The following B3GALT1 variants were observed in gnomAD, a reference collection of about 807,000 sequenced individuals.
The protein encoded by B3GALT1 is UDP-Gal:betaGlcNAc beta 1,3-galactosyltransferase, polypeptide 1.
In B3GALT1, 10 loss-of-function variants were observed where a neutral mutation model predicts 23.2. The ratio of observed to expected loss-of-function variants is 0.43; its 90% CI spans 0.27 to 0.73. The LOEUF (loss-of-function observed/expected upper bound fraction) is 0.73. Ranked by LOEUF, B3GALT1 falls within the 30% of genes least tolerant of loss-of-function variation. B3GALT1 has a pLI of 0.21. For synonymous variants in B3GALT1, 156 were observed against 141.5 expected, an observed-to-expected ratio of 1.10 and a Z score of -0.73; for missense variants, 299 against 405.4, an observed-to-expected ratio of 0.74 and a Z score of 2.25.
chr2:167,865,779 G>C (rs561189993), intron 4 of B3GALT1, among the ~76,000 whole-genome samples: 1 of 152,134 alleles, frequency 6.6e-6, no homozygotes, highest in Non-Finnish European at 1.5e-5. Flanking sequence ...GCAACAGAGC[G>C]AGACTCCGTC....
chr2:167,527,618 G>C (rs1483874415), intron 2 of B3GALT1, among the ~76,000 whole-genome samples: 1 of 151,962 alleles, frequency 6.6e-6, no homozygotes, highest in African/African-American at 2.4e-5. Flanking sequence ...TTTCAAACTT[G>C]TGTATTCATC....
intron 4 of B3GALT1, among the ~76,000 whole-genome samples, chr2:167,848,441 A>T (rs1456116765): frequency 2.6e-5 from 4 of 152,232 alleles, no homozygotes; most frequent in Non-Finnish European, 4.4e-5. Flanking sequence ...GGTTTAACAT[A>T]TGCAAGTCAA....
chr2:167,625,220 A>T (rs547614887), intron 2 of B3GALT1, among the ~76,000 whole-genome samples: 1 of 151,956 alleles, frequency 6.6e-6, no homozygotes, highest in African/African-American at 2.4e-5. Flanking sequence ...GTGCTTTTTG[A>T]TTTTTAAAAA....
intron 3 of B3GALT1, among the ~76,000 whole-genome samples, chr2:167,670,060 T>C (rs1394999665): frequency 1.3e-5 from 2 of 152,192 alleles, no homozygotes; most frequent in Non-Finnish European, 2.9e-5. Context: ...CCCTCCAAGC[T>C]AGCCTATCCA....
chr2:167,814,219 G>C (rs1188536404), intron 3 of B3GALT1, among the ~76,000 whole-genome samples: 1 of 152,128 alleles, frequency 6.6e-6, no homozygotes, highest in Non-Finnish European at 1.5e-5. Flanking sequence ...TGATAACTCT[G>C]TCACTTGGGC....
intron 2 of B3GALT1, among the ~76,000 whole-genome samples, chr2:167,529,774 C>G (rs1329596711): frequency 6.6e-6 from 1 of 151,844 alleles, no homozygotes. Flanking sequence ...CTTCTCACCC[C>G]TCTTTGTTGC....
At chr2:167,304,695 A>G (rs1322311217) in intron 1 of B3GALT1, among the ~76,000 whole-genome samples, 1 of 151,948 alleles carries the variant, frequency 6.6e-6, no homozygotes, top group East Asian at 1.9e-4. Context: ...GGGAGAGACT[A>G]TAAGAATTGG....
chr2:167,678,009 C>T (rs1686458384), intron 3 of B3GALT1, among the ~76,000 whole-genome samples: 1 of 152,134 alleles, frequency 6.6e-6, no homozygotes, highest in South Asian at 2.1e-4. Flanking sequence ...GAGGTCCCTC[C>T]CCCAACACGT....
intron 1 of B3GALT1, among the ~76,000 whole-genome samples, chr2:167,389,541 C>T (rs1400696534): frequency 6.6e-6 from 1 of 152,102 alleles, no homozygotes; most frequent in East Asian, 1.9e-4. Context: ...TACTTCAAGG[C>T]ACAATAGAGG....
At chr2:167,363,066 G>C (rs961901718) in intron 1 of B3GALT1, among the ~76,000 whole-genome samples, 1 of 151,532 alleles carries the variant, frequency 6.6e-6, no homozygotes. Flanking sequence ...TGTAGGCCAG[G>C]CTGGTCCCAA....
intron 2 of B3GALT1, among the ~76,000 whole-genome samples, chr2:167,637,786 A>C (rs1685584823): frequency 6.6e-6 from 1 of 151,004 alleles, no homozygotes. Flanking sequence ...TATTTCAGTT[A>C]GTATAATGAC....
rs1419543271 is a variant in B3GALT1 at position 167,739,932 on chromosome 2, AAACAAAC to A, written c.-351-78737_-351-78731del. Among the ~76,000 whole-genome samples the A allele has an allele frequency of 3.1e-4, 32 of 104,454 alleles. 1 individual carries two copies. Among genetic ancestry groups the A allele is most frequent in the African/African-American group, 8.5e-4 (27 of 31,906 alleles). 68.5% of individuals were successfully genotyped at this position (104,454 alleles called of 152,430 possible). Reference sequence around the variant, plus strand: ...ACAGTAAGAAGTTGTCTCTACAAAAAAACAAACAAAAAAAAAAAAATCTAGGCGTGGT... The same window carrying A: ...ACAGTAAGAAGTTGTCTCTACAAAAAAAAAAAAAAAAAATCTAGGCGTGGT... On this transcript the variant is annotated intron_variant, in intron 3 of 4. Coordinates refer to ENST00000392690, the MANE Select transcript of B3GALT1 (RefSeq NM_020981.4).
At chr2:167,381,571 A>G (rs973122020) in intron 1 of B3GALT1, among the ~76,000 whole-genome samples, 2 of 152,150 alleles carry the variant, frequency 1.3e-5, no homozygotes, top group African/African-American at 4.8e-5. Context: ...TGGTGATTCT[A>G]ATGTGCAGCC....
At chr2:167,379,190 C>A (rs538003755) in intron 1 of B3GALT1, among the ~76,000 whole-genome samples, 1 of 152,178 alleles carries the variant, frequency 6.6e-6, no homozygotes, top group African/African-American at 2.4e-5. Context: ...AATGAACACA[C>A]AAGGAACTAC....
chr2:167,560,951 C>T (rs905042186), intron 2 of B3GALT1, among the ~76,000 whole-genome samples: 8 of 151,528 alleles, frequency 5.3e-5, no homozygotes, highest in Admixed American at 2.0e-4. Flanking sequence ...CTGCACCAAG[C>T]GGACCTAATA....
At chr2:167,715,017 G>C in intron 3 of B3GALT1, 3 of 1,611,586 alleles carry the variant, frequency 1.9e-6, no homozygotes, top group Non-Finnish European at 2.5e-6. Context: ...TGCTCGGTAA[G>C]CTCTTCCTTT....
At chr2:167,841,223 G>GA (rs902997742) in intron 4 of B3GALT1, among the ~76,000 whole-genome samples, 189 of 118,484 alleles carry the variant, frequency 1.6e-3, no homozygotes, top group Admixed American at 1.9e-3. Flanking sequence ...TCACCACAAA[G>GA]AAAAAAAAAA....
chr2:167,795,662 C>G, intron 3 of B3GALT1, among the ~76,000 whole-genome samples: 1 of 152,176 alleles, frequency 6.6e-6, no homozygotes, highest in East Asian at 1.9e-4. Context: ...CCCCCACATC[C>G]TCTACCAACA....
intron 4 of B3GALT1, among the ~76,000 whole-genome samples, chr2:167,846,200 C>G (rs777137723): frequency 2.0e-5 from 3 of 152,270 alleles, no homozygotes; most frequent in African/African-American, 4.8e-5. Context: ...TCGAGGAAAA[C>G]TTCCCTGCCT....
Sources: allele counts gnomAD v4.1 joint callset (sites outside exome capture counted in the v4.1 genomes callset), GRCh38; gene constraint gnomAD v4.1.1; transcripts MANE v1.5; gene names NCBI Gene and HGNC (gene_info 2026-07-23, HGNC 2026-07-21).